Variants in KMT2C observed in about 807,000 individuals in gnomAD.
The protein encoded by KMT2C is lysine methyltransferase 2C.
KMT2C carries 88 observed loss-of-function variants against 507.9 expected under a neutral mutation model. The observed-to-expected ratio is 0.17, with a 90% CI of 0.15 to 0.21. The LOEUF is 0.21. Ranked by LOEUF, KMT2C falls within the 10% of genes least tolerant of loss-of-function variation. The pLI is 1.00. For synonymous variants in KMT2C, 2,049 were observed against 2,080.8 expected (o/e 0.98, Z 0.42); for missense variants, 4,954 against 5,957.8 (o/e 0.83, Z 5.55).
chr7:152,162,702 G>A lies in KMT2C; in HGVS notation c.10875C>T (p.Pro3625=), dbSNP rs981997486. The change falls in exon 43 of 59, where the codon CCC becomes CCT. Residue 3625 remains proline (P), a synonymous_variant. Coordinates refer to ENST00000262189, the MANE Select transcript of KMT2C (RefSeq NM_170606.3). ...TCGGTGGGGCAGTTATATCTGAATG[G>A]GGAGTTGATGGAGCCTTGGTGGATT... ...DAESTKAPST[P]HSDITAPPTP... 20 of 1,613,990 alleles carry A rather than the reference G, an allele frequency of 1.2e-5. No homozygotes were observed. Among genetic ancestry groups the A allele is most frequent in the Non-Finnish European group, 1.7e-5 (20 of 1,180,020 alleles).
intron 1 of KMT2C, among the ~76,000 whole-genome samples, chr7:152,361,288 C>T (rs1457418662): frequency 1.3e-5 from 2 of 152,086 alleles, no homozygotes; most frequent in African/African-American, 2.4e-5. Flanking sequence ...AGGCTGGGCA[C>T]GGTGGCTCAC....
At chr7:152,161,503 G>A (rs1282222497) in intron 43 of KMT2C, among the ~76,000 whole-genome samples, 1 of 151,976 alleles carries the variant, frequency 6.6e-6, no homozygotes, top group Non-Finnish European at 1.5e-5. Flanking sequence ...GAAGTTAACT[G>A]AAATAAAGGG....
intron 3 of KMT2C, among the ~76,000 whole-genome samples, chr7:152,316,615 A>C (rs979226130): frequency 6.6e-6 from 1 of 152,136 alleles, no homozygotes; most frequent in African/African-American, 2.4e-5. Flanking sequence ...TTACCCCATG[A>C]TCTTACATAT....
At chr7:152,427,161 G>A (rs1001474913) in intron 1 of KMT2C, among the ~76,000 whole-genome samples, 10 of 151,874 alleles carry the variant, frequency 6.6e-5, no homozygotes, top group Non-Finnish European at 1.3e-4. Flanking sequence ...GATTACAGGC[G>A]CCTGCCACCA....
chr7:152,251,056 C>A, intron 11 of KMT2C, 90 bp from the exon 12 acceptor site: 3 of 681,946 alleles, frequency 4.4e-6, no homozygotes, highest in Non-Finnish European at 7.7e-6. Context: ...TGAGTAAGGG[C>A]AAATCATCAC....
intron 39 of KMT2C, among the ~76,000 whole-genome samples, chr7:152,171,944 T>C (rs2092980372): frequency 6.6e-6 from 1 of 152,234 alleles, no homozygotes; most frequent in South Asian, 2.1e-4. Context: ...TTTAGAGAAA[T>C]GTTACTCATT....
At chr7:152,416,438 G>A (rs1171127295) in intron 1 of KMT2C, among the ~76,000 whole-genome samples, 4 of 152,252 alleles carry the variant, frequency 2.6e-5, no homozygotes, top group African/African-American at 7.2e-5. Context: ...CCAGCTACTC[G>A]GGAGGGAGGC....
At chr7:152,189,670 A>G (rs551895543) in intron 31 of KMT2C, among the ~76,000 whole-genome samples, 1 of 152,326 alleles carries the variant, frequency 6.6e-6, no homozygotes, top group South Asian at 2.1e-4. Flanking sequence ...ATTTTGTCTC[A>G]AAGACTTCCT....
chr7:152,308,592 T>G lies in KMT2C; in HGVS notation c.849+1374A>C, dbSNP rs568491967. Among the ~76,000 whole-genome samples, 10 of 146,708 alleles carry G rather than the reference T, an allele frequency of 6.8e-5. No individual in the cohort carries two copies. The East Asian group carries it at 1.8e-3, about 26-fold the overall frequency. On this transcript the variant is annotated intron_variant, in intron 6 of 58. Coordinates refer to ENST00000262189, the MANE Select transcript of KMT2C (RefSeq NM_170606.3). ...CAGGAGGCTGAGGCGGCAGAATCAC[T>G]TGAACCCAGGAAGCAGAGGTTGCAG...
rs768932767 is a variant in KMT2C at position 152,181,826 on chromosome 7, G to C, written c.6034C>G (p.Pro2012Ala). The C allele has an allele frequency of 6.2e-7, 1 of 1,614,142 alleles. No individual in the cohort carries two copies. Among genetic ancestry groups the C allele is most frequent in the Non-Finnish European group, 8.5e-7 (1 of 1,180,016 alleles). Residue 2012 changes from proline (P) to alanine (A), a missense_variant, in exon 36 of 59, where the codon CCT becomes GCT. By Grantham distance (27) the Pro-to-Ala change is conservative (BLOSUM62 -1). Around this residue, in one of 29 missense-constraint regions of KMT2C, gnomAD observed 1,689 missense variants for 1,654.3 expected, o/e 1.02. Coordinates refer to ENST00000262189, the MANE Select transcript of KMT2C (RefSeq NM_170606.3). The part of the protein sequence containing the change: ...GTSDHFTKPS[P>A]RADVFQRQRI... ...TGTCTTTGAAACACATCTGCCCTAG[G>C]AGATGGTTTAGTAAAGTGATCACTG...
chr7:152,158,810 C>CGG (rs745501235), intron 44 of KMT2C, 53 bp downstream of exon 44: 3 of 1,544,320 alleles, frequency 1.9e-6, no homozygotes, highest in Non-Finnish European at 2.7e-6. Context: ...CCACTGCCCC[C>CGG]AGCCTATATC....
intron 6 of KMT2C, among the ~76,000 whole-genome samples, chr7:152,303,902 G>A (rs1333872863): frequency 6.6e-6 from 1 of 152,044 alleles, no homozygotes; most frequent in Non-Finnish European, 1.5e-5. Flanking sequence ...GTGGGAGGAT[G>A]ACTTGGGCCC....
intron 35 of KMT2C, 118 bp downstream of exon 35, chr7:152,182,856 C>G (rs1002152662): frequency 5.4e-6 from 4 of 744,992 alleles, no homozygotes; most frequent in Non-Finnish European, 8.5e-6. Flanking sequence ...AGAAACAAGT[C>G]TATCCTAAAT....
intron 3 of KMT2C, among the ~76,000 whole-genome samples, chr7:152,329,902 T>C (rs1201845273): frequency 2.0e-5 from 3 of 151,598 alleles, no homozygotes; most frequent in African/African-American, 4.8e-5. Flanking sequence ...TCCCAGCACT[T>C]TGGGAAGCCG....
chr7:152,368,705 A>T (rs2129239548), intron 1 of KMT2C: 1 of 1,287,488 alleles, frequency 7.8e-7, no homozygotes, highest in East Asian at 2.5e-5. Flanking sequence ...CCAATATGCC[A>T]GCTTGGACAT....
chr7:152,184,378 T>C (rs1030097325), intron 34 of KMT2C, among the ~76,000 whole-genome samples: 3 of 152,198 alleles, frequency 2.0e-5, no homozygotes, highest in African/African-American at 7.2e-5. Flanking sequence ...AGATTTAATA[T>C]GCTTTAAAAC....
chr7:152,300,776 C>T (rs868526530), intron 6 of KMT2C, among the ~76,000 whole-genome samples: 1 of 152,070 alleles, frequency 6.6e-6, no homozygotes, highest in Non-Finnish European at 1.5e-5. Flanking sequence ...CTATAAAGAG[C>T]TGGCCGGGCA....
In KMT2C at chr7:152,311,847, C is replaced by A; in HGVS notation, c.690G>T (p.Leu230=). 1 of 1,611,432 alleles carries A rather than the reference C, an allele frequency of 6.2e-7. No individual in the cohort carries two copies. Among genetic ancestry groups the A allele is most frequent in the Non-Finnish European group, 8.5e-7 (1 of 1,178,094 alleles). Reference sequence around the variant, plus strand: ...TATCAATGGCATCTGGAAGCCCAACCAGACTGAGTTCATCCCACAGTTTAC... The same window carrying A: ...TATCAATGGCATCTGGAAGCCCAACAAGACTGAGTTCATCCCACAGTTTAC... ...QAGKLWDELS[L]VGLPDAIDIQ... is the part of the protein sequence containing the mutation. Residue 230 remains leucine, a synonymous_variant, in exon 5 of 59, where the codon CTG becomes CTT. Transcript: ENST00000262189.
At chr7:152,279,698 A>T (rs2096164360) in intron 6 of KMT2C, among the ~76,000 whole-genome samples, 1 of 152,252 alleles carries the variant, frequency 6.6e-6, no homozygotes, top group Admixed American at 6.5e-5. Context: ...CTGCTAAAAA[A>T]AATAACATCA....
Sources: gnomAD v4.1 joint callset for allele counts (sites outside exome capture counted in the v4.1 genomes callset) on GRCh38, gnomAD v4.1.1 for gene constraint, gnomAD v4.1.1 regional missense constraint, MANE v1.5 for transcripts, NCBI Gene and HGNC (gene_info 2026-07-23, HGNC 2026-07-21) for gene names.